AGBL1: variants seen among roughly 807,000 people sequenced by gnomAD.
AGBL1 encodes the protein cytosolic carboxypeptidase 4.
Under a neutral mutation model 118.9 loss-of-function variants are expected in AGBL1, and 130 were observed. The observed-to-expected ratio is 1.09, with a 90% CI of 0.95 to 1.26. The LOEUF (loss-of-function observed/expected upper bound fraction) is 1.26. Ranked by LOEUF, AGBL1 falls within the 50% of genes most tolerant of loss-of-function variation. AGBL1 has a pLI of 0.00. For synonymous variants in AGBL1, 555 were observed against 478.9 expected (o/e 1.16, Z -2.08); for missense variants, 1,584 against 1,298.1 (o/e 1.22, Z -3.38).
Position 86,718,965 on chromosome 15 carries a change from T to G in AGBL1, c.3158+44529T>G, listed in dbSNP as rs532287372. On this transcript the variant is annotated intron_variant, in intron 22 of 22. Transcript: ENST00000614907. ...GTCTGGTACTGCTAAAAGTTTTGGC[T>G]TCTGGTCTAACTGCCTAATGAAATC... 4.6e-5 allele frequency among the ~76,000 whole-genome samples: 7 copies of G among 152,246 alleles called. No individual in the cohort carries two copies. The East Asian group carries it at 1.4e-3, about 29-fold the overall frequency.
At chr15:86,189,253 C>T (rs2077679367) in intron 5 of AGBL1, among the ~76,000 whole-genome samples, 1 of 152,156 alleles carries the variant, frequency 6.6e-6, no homozygotes. Context: ...AACTTATGCA[C>T]ACATTTAAAG....
chr15:86,367,603 A>G (rs1431767751), intron 17 of AGBL1, among the ~76,000 whole-genome samples: 1 of 152,096 alleles, frequency 6.6e-6, no homozygotes, highest in Non-Finnish European at 1.5e-5. Flanking sequence ...GAAAAAAAAA[A>G]AGTTTCTTTT....
intron 21 of AGBL1, among the ~76,000 whole-genome samples, chr15:86,667,089 C>A (rs2085657269): frequency 6.6e-6 from 1 of 152,110 alleles, no homozygotes; most frequent in South Asian, 2.1e-4. Flanking sequence ...TCTATACTAG[C>A]AGATTTCCTA....
intron 24 of AGBL1, among the ~76,000 whole-genome samples, chr15:86,991,507 G>C (rs1212619016): frequency 2.0e-5 from 3 of 151,980 alleles, no homozygotes; most frequent in Non-Finnish European, 4.4e-5. Context: ...AAGTATGAGA[G>C]ATCAAGTCAT....
At chr15:86,624,236 A>T (rs1160422402) in intron 21 of AGBL1, among the ~76,000 whole-genome samples, 1 of 152,210 alleles carries the variant, frequency 6.6e-6, no homozygotes, top group Non-Finnish European at 1.5e-5. Flanking sequence ...AGTTCTCATT[A>T]TTGGGAAGTC....
At chr15:87,006,146 C>A (rs2081499741) in intron 24 of AGBL1, among the ~76,000 whole-genome samples, 1 of 152,172 alleles carries the variant, frequency 6.6e-6, no homozygotes, top group Non-Finnish European at 1.5e-5. Flanking sequence ...GGGTCAGGGA[C>A]CCACTTGAGG....
intron 24 of AGBL1, among the ~76,000 whole-genome samples, chr15:87,007,107 A>G (rs1197986024): frequency 6.6e-6 from 1 of 152,216 alleles, no homozygotes; most frequent in Admixed American, 6.5e-5. Flanking sequence ...GGGTTCAAAA[A>G]AGAATCACAG....
At chr15:86,199,092 A>G (rs1192681177) in intron 5 of AGBL1, among the ~76,000 whole-genome samples, 1 of 152,202 alleles carries the variant, frequency 6.6e-6, no homozygotes, top group Non-Finnish European at 1.5e-5. Flanking sequence ...ATCATTATAC[A>G]TACATGCTTT....
In AGBL1 at chr15:86,864,591, C is replaced by T. The variant is rs182518098; in HGVS notation, c.3159-42496C>T. On this transcript the variant is annotated intron_variant, in intron 22 of 22. Coordinates refer to ENST00000614907, the MANE Select transcript of AGBL1 (RefSeq NM_001386094.1). The stretch of plus-strand genomic sequence containing the variant: ...CTTGCCTTCATACTACTCTACTAAG[C>T]TACCTCCACCAAAATCAAGATGTTG... Among the ~76,000 whole-genome samples the T allele has an allele frequency of 1.5e-4, 23 of 152,302 alleles. 1 individual carries two copies. In the East Asian group the frequency reaches 4.1e-3, roughly 27 times the overall value.
intron 1 of AGBL1, among the ~76,000 whole-genome samples, chr15:86,118,238 G>C (rs1046739919): frequency 6.6e-6 from 1 of 152,136 alleles, no homozygotes; most frequent in Non-Finnish European, 1.5e-5. Context: ...AGTTCATCTT[G>C]TCTTTCTCCC....
At chr15:86,539,768 C>T (rs957488049) in intron 19 of AGBL1, among the ~76,000 whole-genome samples, 1 of 152,198 alleles carries the variant, frequency 6.6e-6, no homozygotes, top group African/African-American at 2.4e-5. Context: ...AGAAGCACCA[C>T]ATAGCACACT....
intron 15 of AGBL1, among the ~76,000 whole-genome samples, chr15:86,272,188 TAA>T (rs1279884089): frequency 6.6e-6 from 1 of 151,972 alleles, no homozygotes; most frequent in African/African-American, 2.4e-5. Context: ...TGGAAAAAAA[TAA>T]AAGAGGGAGG....
chr15:86,445,670 T>C (rs889094162), intron 18 of AGBL1, among the ~76,000 whole-genome samples: 29 of 152,192 alleles, frequency 1.9e-4, no homozygotes, highest in African/African-American at 5.3e-4. Context: ...TGAAGCACAA[T>C]TCTGTGGATG....
chr15:86,178,607 A>G (rs1224542585), intron 5 of AGBL1, among the ~76,000 whole-genome samples: 1 of 152,216 alleles, frequency 6.6e-6, no homozygotes, highest in Non-Finnish European at 1.5e-5. Flanking sequence ...ATCCCCACAA[A>G]GAAAAGTCTA....
chr15:86,488,916 A>C (rs1596180799), intron 18 of AGBL1, among the ~76,000 whole-genome samples: 1 of 152,084 alleles, frequency 6.6e-6, no homozygotes, highest in South Asian at 2.1e-4. Context: ...GGAAAAAAAA[A>C]ATCAAATTTA....
At chr15:86,946,555 T>C (rs2080823714) in intron 23 of AGBL1, among the ~76,000 whole-genome samples, 1 of 152,014 alleles carries the variant, frequency 6.6e-6, no homozygotes, top group Non-Finnish European at 1.5e-5. Context: ...TGCTAAGAAA[T>C]ACCATGAGGA....
intron 5 of AGBL1, among the ~76,000 whole-genome samples, chr15:86,185,528 T>A (rs529598893): frequency 6.6e-6 from 1 of 152,126 alleles, no homozygotes; most frequent in African/African-American, 2.4e-5. Flanking sequence ...AATGATAGAC[T>A]GGATTAAGAA....
At chr15:86,257,364 C>A (rs1483687884) in intron 8 of AGBL1, among the ~76,000 whole-genome samples, 2 of 152,096 alleles carry the variant, frequency 1.3e-5, no homozygotes, top group African/African-American at 4.8e-5. Flanking sequence ...AATTAATTTG[C>A]CCTAAGGATG....
intron 9 of AGBL1, 65 bp from the exon 10 acceptor site, chr15:86,262,713 A>G: frequency 9.1e-7 from 1 of 1,096,534 alleles, no homozygotes; most frequent in South Asian, 1.3e-5. Context: ...CATACATATC[A>G]TGTCTTGATG....
Sources: allele counts gnomAD v4.1 joint callset (sites outside exome capture counted in the v4.1 genomes callset), GRCh38; gene constraint gnomAD v4.1.1; transcripts MANE v1.5; gene names NCBI Gene and HGNC (gene_info 2026-07-23, HGNC 2026-07-21).